ST8SIA1: variants seen among roughly 807,000 people sequenced by gnomAD.
The protein encoded by ST8SIA1 is ST8 alpha-N-acetyl-neuraminide alpha-2,8-sialyltransferase 1.
ST8SIA1 carries 16 observed loss-of-function variants against 35.9 expected under a neutral mutation model. That is an observed-to-expected ratio of 0.45 (90% CI 0.30 to 0.68). The LOEUF (loss-of-function observed/expected upper bound fraction) is 0.68. Ranked by LOEUF, ST8SIA1 falls within the 30% of genes least tolerant of loss-of-function variation. The pLI, the probability that ST8SIA1 is intolerant of heterozygous loss-of-function variation, is 0.09. For missense variants in ST8SIA1, 383 were observed against 453.6 expected (o/e 0.84, Z 1.41); for synonymous variants, 170 against 169.6 (o/e 1.00, Z -0.02).
At chr12:22,245,949 A>G (rs1413574639) in intron 4 of ST8SIA1, among the ~76,000 whole-genome samples, 2 of 152,360 alleles carry the variant, frequency 1.3e-5, no homozygotes, top group East Asian at 1.9e-4. Flanking sequence ...CAGGGAGGGC[A>G]TGGAAGCTCC....
intron 1 of ST8SIA1, among the ~76,000 whole-genome samples, chr12:22,313,536 C>A (rs1221594851): frequency 6.6e-6 from 1 of 152,054 alleles, no homozygotes; most frequent in African/African-American, 2.4e-5. Context: ...TGCCAAAGGG[C>A]CTGGATAAAC....
At chr12:22,207,348 G>A (rs145977144) in intron 4 of ST8SIA1, among the ~76,000 whole-genome samples, 1 of 152,348 alleles carries the variant, frequency 6.6e-6, no homozygotes, top group Non-Finnish European at 1.5e-5. Flanking sequence ...AAGTATAAGT[G>A]TATAGGGTAG....
At chr12:22,273,271 C>T (rs1285866510) in intron 2 of ST8SIA1, among the ~76,000 whole-genome samples, 1 of 152,220 alleles carries the variant, frequency 6.6e-6, no homozygotes, top group East Asian at 1.9e-4. Flanking sequence ...CACCGTTCAC[C>T]TATTTTTCAT....
intron 4 of ST8SIA1, among the ~76,000 whole-genome samples, chr12:22,218,029 T>A (rs1181897170): frequency 6.6e-6 from 1 of 152,114 alleles, no homozygotes; most frequent in African/African-American, 2.4e-5. Context: ...AGTGAACACT[T>A]AGAAATAACA....
chr12:22,241,874 C>T (rs905703052), intron 4 of ST8SIA1, among the ~76,000 whole-genome samples: 8 of 151,978 alleles, frequency 5.3e-5, no homozygotes, highest in Admixed American at 5.2e-4. Flanking sequence ...TTTATTCCTC[C>T]TCCCCCCCAT....
At chr12:22,245,240 T>A (rs1347444137) in intron 4 of ST8SIA1, among the ~76,000 whole-genome samples, 1 of 152,242 alleles carries the variant, frequency 6.6e-6, no homozygotes, top group African/African-American at 2.4e-5. Flanking sequence ...TGCCTTTAAA[T>A]ACTGAGTCTT....
intron 4 of ST8SIA1, among the ~76,000 whole-genome samples, chr12:22,234,189 G>C (rs565388422): frequency 6.6e-6 from 1 of 151,844 alleles, no homozygotes; most frequent in African/African-American, 2.4e-5. Context: ...GAACCCAGGA[G>C]GCAGAGGTTA....
chr12:22,224,573 C>T (rs1317657488), intron 4 of ST8SIA1, among the ~76,000 whole-genome samples: 4 of 152,100 alleles, frequency 2.6e-5, no homozygotes, highest in Non-Finnish European at 5.9e-5. Flanking sequence ...CCTATTTATA[C>T]TTTATCTTGG....
intron 2 of ST8SIA1, among the ~76,000 whole-genome samples, chr12:22,265,568 T>G (rs1865838143): frequency 6.6e-6 from 1 of 152,236 alleles, no homozygotes; most frequent in Non-Finnish European, 1.5e-5. Flanking sequence ...TTCTTACAGT[T>G]GTTGTGAGAA....
At chr12:22,307,019 A>G (rs1866393003) in intron 1 of ST8SIA1, among the ~76,000 whole-genome samples, 1 of 152,048 alleles carries the variant, frequency 6.6e-6, no homozygotes. Flanking sequence ...AAAGCAGTAT[A>G]TTTTCTTTGG....
intron 1 of ST8SIA1, among the ~76,000 whole-genome samples, chr12:22,299,498 T>A (rs1057084885): frequency 6.6e-5 from 10 of 152,120 alleles, no homozygotes; most frequent in African/African-American, 2.4e-4. Flanking sequence ...TCATGAATAG[T>A]CTGTGTAAGT....
intron 4 of ST8SIA1, among the ~76,000 whole-genome samples, chr12:22,207,090 T>C (rs1865117882): frequency 6.6e-6 from 1 of 152,188 alleles, no homozygotes; most frequent in South Asian, 2.1e-4. Context: ...TCCAGATGAA[T>C]GTCTCAACAG....
intron 1 of ST8SIA1, among the ~76,000 whole-genome samples, chr12:22,323,278 A>G (rs1362393637): frequency 6.6e-6 from 1 of 152,210 alleles, no homozygotes; most frequent in Non-Finnish European, 1.5e-5. Context: ...CAATCATAGT[A>G]TATCTATTTA....
At chr12:22,291,990 G>C (rs1242328687) in intron 1 of ST8SIA1, among the ~76,000 whole-genome samples, 1 of 152,072 alleles carries the variant, frequency 6.6e-6, no homozygotes, top group Non-Finnish European at 1.5e-5. Flanking sequence ...GAATAACAGA[G>C]TTGAGATTAA....
At chr12:22,209,528 A>T (rs1015758344) in intron 4 of ST8SIA1, among the ~76,000 whole-genome samples, 2 of 152,240 alleles carry the variant, frequency 1.3e-5, no homozygotes, top group Admixed American at 6.5e-5. Context: ...GTACACTTTT[A>T]TGCTTCAAAT....
At chr12:22,261,121 A>AT (rs1006716391) in intron 2 of ST8SIA1, among the ~76,000 whole-genome samples, 1 of 151,204 alleles carries the variant, frequency 6.6e-6, no homozygotes, top group African/African-American at 2.4e-5. Context: ...ACAAATCAAT[A>AT]TTTTTTGTCA....
intron 1 of ST8SIA1, chr12:22,324,373 C>T (rs1023247027): frequency 6.7e-6 from 1 of 149,636 alleles, no homozygotes; most frequent in Non-Finnish European, 1.5e-5. Flanking sequence ...AAGATGTATA[C>T]AAAAGGATGA....
chr12:22,258,777 A>G (rs1404411385), intron 2 of ST8SIA1, among the ~76,000 whole-genome samples: 1 of 152,248 alleles, frequency 6.6e-6, no homozygotes, highest in Non-Finnish European at 1.5e-5. Context: ...AATTGTTGTC[A>G]AAGAGTGGTT....
intron 4 of ST8SIA1, among the ~76,000 whole-genome samples, chr12:22,210,616 C>G (rs1330478094): frequency 6.6e-6 from 1 of 152,208 alleles, no homozygotes; most frequent in African/African-American, 2.4e-5. Context: ...TCCAGAACTT[C>G]TGACCAGCTG....
Sources: allele counts gnomAD v4.1 joint callset (sites outside exome capture counted in the v4.1 genomes callset), GRCh38; gene constraint gnomAD v4.1.1; transcripts MANE v1.5; gene names NCBI Gene and HGNC (gene_info 2026-07-23, HGNC 2026-07-21).